CASR: variants seen among roughly 807,000 people sequenced by gnomAD.
The protein encoded by CASR is calcium sensing receptor, also known as extracellular calcium-sensing receptor.
In CASR, 23 loss-of-function variants were observed where a neutral mutation model predicts 69.1. That is an observed-to-expected ratio of 0.33 (90% confidence interval 0.24 to 0.47). The LOEUF is 0.47. CASR is among the 20% of genes least tolerant of loss of function. The pLI, the probability that CASR is intolerant of heterozygous loss-of-function variation, is 1.00. For synonymous variants in CASR, 541 were observed against 544.7 expected (o/e 0.99, Z 0.10); for missense variants, 924 against 1,356.1 (o/e 0.68, Z 5.00).
chr3:122,245,274 T>C (rs1209614402), intron 1 of CASR: 1 of 152,196 alleles, frequency 6.6e-6, no homozygotes, highest in East Asian at 1.9e-4. Context: ...ATACAGCCAT[T>C]CATCTTTTCC....
chr3:122,193,189 G>T (rs1037573360), intron 1 of CASR, among the ~76,000 whole-genome samples: 5 of 126,096 alleles, frequency 4.0e-5, no homozygotes, highest in Admixed American at 7.8e-5. Context: ...TTCATTTCTG[G>T]TTTTTTTTTT....
rs375798924 is a variant in CASR at position 122,252,450 on chromosome 3, A to G, written c.-242-1498A>G. ...GAAAGAAAGAAAGAAAGAAAGAAAA[A>G]AAAGAAAAGAAAGAAAAGAAAAGAA... is the stretch of plus-strand genomic sequence containing the variant. On this transcript the variant is annotated intron_variant, in intron 1 of 6. Transcript: ENST00000639785. 2.4e-3 allele frequency among the ~76,000 whole-genome samples: 242 copies of G among 100,362 alleles called. 3 individuals are homozygous for G. The highest frequency in any genetic ancestry group is 6.2e-3 in the African/African-American group (147 of 23,818). 65.8% of individuals were successfully genotyped at this position (100,362 alleles called of 152,430 possible).
intron 1 of CASR, among the ~76,000 whole-genome samples, chr3:122,201,912 A>G (rs574935088): frequency 1.5e-3 from 233 of 150,922 alleles, no homozygotes; most frequent in Middle Eastern, 0.01. Context: ...GCGGCCGGGC[A>G]GAGACGCTCC....
In CASR at chr3:122,283,785, C is replaced by T; in HGVS notation, c.1831C>T (p.Pro611Ser). ...KEIEFLSWTE[P>S]FGIALTLFAV... ...GATCGAGTTTCTGTCGTGGACGGAG[C>T]CCTTTGGGATCGCACTCACCCTCTT... The change falls in exon 7 of 7, where the codon CCC (proline) becomes TCC (serine). Residue 611 changes from proline (P) to serine (S), a missense_variant. Transcript: ENST00000639785. The T allele has an allele frequency of 6.2e-7, 1 of 1,614,088 alleles. No individual in the cohort carries two copies. Among genetic ancestry groups the T allele is most frequent in the Non-Finnish European group, 8.5e-7 (1 of 1,179,986 alleles).
intron 1 of CASR, among the ~76,000 whole-genome samples, chr3:122,248,580 T>C (rs2074451407): frequency 6.6e-6 from 1 of 151,832 alleles, no homozygotes; most frequent in African/African-American, 2.4e-5. Flanking sequence ...TTTGGTCTTA[T>C]AATTCTCTTT....
rs1467118491 is a variant in CASR at position 122,284,369 on chromosome 3, G to A, written c.2415G>A (p.Lys805=). The part of the protein sequence containing the change: ...RKLPENFNEA[K]FITFSMLIFF... ...TGCCGGAGAACTTCAATGAAGCCAA[G>A]TTCATCACCTTCAGCATGCTCATCT... Residue 805 remains lysine, a synonymous_variant, in exon 7 of 7, where the codon AAG becomes AAA. Coordinates refer to ENST00000639785, the MANE Select transcript of CASR (RefSeq NM_000388.4). The A allele has an allele frequency of 5.6e-6, 9 of 1,614,096 alleles. No individual in the cohort carries two copies. Among genetic ancestry groups the A allele is most frequent in the Non-Finnish European group, 7.6e-6 (9 of 1,180,038 alleles).
intron 1 of CASR, among the ~76,000 whole-genome samples, chr3:122,244,787 AAAGAT>A (rs2074411135): frequency 6.6e-6 from 1 of 152,204 alleles, no homozygotes; most frequent in African/African-American, 2.4e-5. Context: ...TAAGGGAGAT[AAAGAT>A]AAGGGAGTAA....
rs2107653352 is a variant in CASR at position 122,286,777 on chromosome 3, G to A, written c.*1586G>A. The A allele has an allele frequency of 6.6e-6, 1 of 152,388 alleles. No individual in the cohort carries two copies. The highest frequency in any genetic ancestry group is 1.9e-4 in the East Asian group (1 of 5,190). 9.4% of individuals were successfully genotyped at this position (152,388 alleles called of 1,614,324 possible). On this transcript the variant is annotated 3_prime_UTR_variant, in exon 7 of 7. Transcript: ENST00000639785. ...AGGGAAGACCATCACCAGTCTAGCA[G>A]GAGGTTCTAAGCTGAGGCCAAACCA...
intron 1 of CASR, among the ~76,000 whole-genome samples, chr3:122,210,861 A>C (rs372776491): frequency 1.3e-5 from 2 of 152,216 alleles, no homozygotes; most frequent in African/African-American, 4.8e-5. Flanking sequence ...CAGTAGCCAA[A>C]ACAGGAGGGT....
chr3:122,231,261 C>T (rs557517914), intron 1 of CASR, among the ~76,000 whole-genome samples: 1 of 152,274 alleles, frequency 6.6e-6, no homozygotes, highest in African/African-American at 2.4e-5. Flanking sequence ...CAGCATCATA[C>T]ACTTGCTGTT....
chr3:122,262,078 C>A lies in CASR; in HGVS notation c.1043C>A (p.Ala348Asp). The A allele has an allele frequency of 6.2e-7, 1 of 1,614,148 alleles. No individual in the cohort carries two copies. Among genetic ancestry groups the A allele is most frequent in the Admixed American group, 1.7e-5 (1 of 60,024 alleles). Reference sequence around the variant, plus strand: ...AGGAAGTCTGTCCACAATGGTTTTGCCAAGGAGTTTTGGGAAGAAACATTT... The same window carrying A: ...AGGAAGTCTGTCCACAATGGTTTTGACAAGGAGTTTTGGGAAGAAACATTT... Reference protein sequence around the residue: ...HPRKSVHNGFAKEFWEETFNC... With the variant: ...HPRKSVHNGFDKEFWEETFNC... The change falls in exon 4 of 7, where the codon GCC becomes GAC. Residue 348 changes from alanine to aspartate, a missense_variant. Around this residue, in one of 8 missense-constraint regions of CASR, gnomAD observed 310 missense variants for 395.7 expected, o/e 0.78. Coordinates refer to ENST00000639785, the MANE Select transcript of CASR (RefSeq NM_000388.4).
chr3:122,277,130 C>T (rs2074832241), intron 5 of CASR, among the ~76,000 whole-genome samples: 1 of 149,406 alleles, frequency 6.7e-6, no homozygotes, highest in Non-Finnish European at 1.5e-5. Context: ...CTCGCTGAAG[C>T]CTCTGCCTCC....
At chr3:122,255,580 A>G (rs953040018) in intron 2 of CASR, among the ~76,000 whole-genome samples, 1 of 152,250 alleles carries the variant, frequency 6.6e-6, no homozygotes, top group Non-Finnish European at 1.5e-5. Context: ...TACATGTGCC[A>G]TGTGTATACA....
intron 4 of CASR, among the ~76,000 whole-genome samples, chr3:122,272,940 T>C (rs573845531): frequency 4.6e-5 from 7 of 152,260 alleles, no homozygotes; most frequent in Non-Finnish European, 8.8e-5. Context: ...TAGCCAGGGA[T>C]GAGCTTTAAG....
At chr3:122,216,814 T>A (rs958704818) in intron 1 of CASR, among the ~76,000 whole-genome samples, 5 of 152,328 alleles carry the variant, frequency 3.3e-5, no homozygotes, top group Middle Eastern at 3.4e-3. Context: ...TTTTGACACA[T>A]GAAAGAGTGC....
chr3:122,259,413 C>G (rs1165562163), intron 3 of CASR, among the ~76,000 whole-genome samples: 1 of 152,038 alleles, frequency 6.6e-6, no homozygotes, highest in Non-Finnish European at 1.5e-5. Context: ...TTAATTTAAC[C>G]ACCTGCCTCA....
intron 1 of CASR, among the ~76,000 whole-genome samples, chr3:122,194,103 G>A (rs1194038917): frequency 1.3e-5 from 2 of 151,956 alleles, no homozygotes; most frequent in Non-Finnish European, 2.9e-5. Flanking sequence ...CAGTCTACAC[G>A]CCTTCTCATT....
At chr3:122,197,786 T>C (rs994979165) in intron 1 of CASR, among the ~76,000 whole-genome samples, 7 of 152,206 alleles carry the variant, frequency 4.6e-5, no homozygotes, top group Admixed American at 3.9e-4. Flanking sequence ...AGCTTTTCTT[T>C]CTGCTGTCAT....
At chr3:122,191,119 CT>C (rs1442129604) in intron 1 of CASR, among the ~76,000 whole-genome samples, 3 of 152,148 alleles carry the variant, frequency 2.0e-5, no homozygotes, top group African/African-American at 7.2e-5. Context: ...TGTAAATACA[CT>C]CAGTCAAGTT....
Sources: allele counts gnomAD v4.1 joint callset (sites outside exome capture counted in the v4.1 genomes callset), GRCh38; gene constraint gnomAD v4.1.1; regional missense constraint gnomAD v4.1.1; transcripts MANE v1.5; gene names NCBI Gene and HGNC (gene_info 2026-07-23, HGNC 2026-07-21).